Variants in LRRTM4 observed in about 807,000 individuals in gnomAD.
LRRTM4 encodes the protein leucine-rich repeat transmembrane neuronal protein 4.
In LRRTM4, 25 loss-of-function variants were observed where a neutral mutation model predicts 47.6. The observed-to-expected ratio is 0.53, with a 90% CI of 0.38 to 0.73. LRRTM4 has a LOEUF of 0.73. Ranked by LOEUF, LRRTM4 falls within the 30% of genes least tolerant of loss-of-function variation. The pLI, the probability that LRRTM4 is intolerant of heterozygous loss-of-function variation, is 0.00. For missense variants in LRRTM4, 638 were observed against 713.4 expected (o/e 0.89, Z 1.20); for synonymous variants, 311 against 269.5 (o/e 1.15, Z -1.51).
intron 3 of LRRTM4, among the ~76,000 whole-genome samples, chr2:77,459,306 T>C (rs1246413538): frequency 6.6e-6 from 1 of 152,104 alleles, no homozygotes; most frequent in African/African-American, 2.4e-5. Context: ...TTGAGCATAG[T>C]TTTAATTTTT....
At chr2:77,021,870 C>T (rs1374446352) in intron 3 of LRRTM4, among the ~76,000 whole-genome samples, 2 of 152,082 alleles carry the variant, frequency 1.3e-5, no homozygotes, top group Admixed American at 1.3e-4. Flanking sequence ...TTAATGATTG[C>T]CACACCCAAA....
At chr2:76,872,244 TAAAATC>T (rs1300147693) in intron 3 of LRRTM4, among the ~76,000 whole-genome samples, 1 of 152,130 alleles carries the variant, frequency 6.6e-6, no homozygotes, top group Non-Finnish European at 1.5e-5. Context: ...AAGGATACGT[TAAAATC>T]AGAATCATGA....
intron 3 of LRRTM4, among the ~76,000 whole-genome samples, chr2:77,031,693 C>A (rs868545489): frequency 3.3e-5 from 5 of 151,956 alleles, no homozygotes; most frequent in Admixed American, 1.3e-4. Context: ...ATGAACGTCT[C>A]CAGTCAATAA....
intron 3 of LRRTM4, among the ~76,000 whole-genome samples, chr2:76,948,334 A>T (rs1326748043): frequency 6.6e-6 from 1 of 151,860 alleles, no homozygotes; most frequent in African/African-American, 2.4e-5. Flanking sequence ...AACCAACATG[A>T]CTGAACTCAT....
intron 3 of LRRTM4, among the ~76,000 whole-genome samples, chr2:77,142,920 T>C (rs988187534): frequency 2.0e-5 from 3 of 152,156 alleles, no homozygotes; most frequent in Non-Finnish European, 2.9e-5. Flanking sequence ...GACAAAGCCA[T>C]GTATGAATCT....
chr2:77,483,701 CAAAAATGCT>C, intron 3 of LRRTM4, among the ~76,000 whole-genome samples: 1 of 152,162 alleles, frequency 6.6e-6, no homozygotes, highest in South Asian at 2.1e-4. Flanking sequence ...AGCTGAAAAA[CAAAAATGCT>C]TCCAGCATGA....
intron 3 of LRRTM4, among the ~76,000 whole-genome samples, chr2:77,287,398 T>C (rs1180916247): frequency 1.3e-5 from 2 of 151,674 alleles, no homozygotes; most frequent in Non-Finnish European, 2.9e-5. Flanking sequence ...ATTTAAAATA[T>C]ATATTATATA....
intron 3 of LRRTM4, among the ~76,000 whole-genome samples, chr2:77,462,066 A>C (rs1676810442): frequency 1.3e-5 from 2 of 152,102 alleles, no homozygotes; most frequent in Non-Finnish European, 2.9e-5. Context: ...CATTTAACCT[A>C]GCAGCAGAAT....
intron 3 of LRRTM4, among the ~76,000 whole-genome samples, chr2:77,428,758 A>G (rs575311101): frequency 6.6e-6 from 1 of 152,200 alleles, no homozygotes; most frequent in Non-Finnish European, 1.5e-5. Context: ...TAACTATTGC[A>G]TGTTCTTAAG....
chr2:76,899,342 CACACACACACATAT>C (rs1180191371), intron 3 of LRRTM4, among the ~76,000 whole-genome samples: 13 of 131,206 alleles, frequency 9.9e-5, no homozygotes, highest in African/African-American at 3.5e-4. Flanking sequence ...CACACACACA[CACACACACACATAT>C]ATATATATAA....
intron 3 of LRRTM4, among the ~76,000 whole-genome samples, chr2:77,459,768 A>G (rs1676710684): frequency 6.6e-6 from 1 of 150,650 alleles, no homozygotes; most frequent in African/African-American, 2.4e-5. Flanking sequence ...GCAAAAAAAA[A>G]AAAAAAAAGA....
intron 3 of LRRTM4, among the ~76,000 whole-genome samples, chr2:76,834,398 T>C (rs1418482165): frequency 6.6e-6 from 1 of 151,960 alleles, no homozygotes; most frequent in East Asian, 1.9e-4. Context: ...AAAATATCTG[T>C]TACTCTAAAG....
intron 3 of LRRTM4, among the ~76,000 whole-genome samples, chr2:76,854,551 A>G (rs1672091029): frequency 6.6e-6 from 1 of 152,088 alleles, no homozygotes; most frequent in Non-Finnish European, 1.5e-5. Context: ...AAACAAACAA[A>G]AATCCTGATT....
At chr2:77,067,886 A>G (rs1680013813) in intron 3 of LRRTM4, among the ~76,000 whole-genome samples, 1 of 152,094 alleles carries the variant, frequency 6.6e-6, no homozygotes, top group South Asian at 2.1e-4. Context: ...TATAAAACTA[A>G]TCTTGATGAC....
At chr2:77,209,113 G>C (rs539231990) in intron 3 of LRRTM4, among the ~76,000 whole-genome samples, 1 of 152,038 alleles carries the variant, frequency 6.6e-6, no homozygotes. Flanking sequence ...CAATTTCCGA[G>C]AGGACTTAAG....
chr2:77,135,969 C>T (rs547122767), intron 3 of LRRTM4, among the ~76,000 whole-genome samples: 80 of 151,932 alleles, frequency 5.3e-4, no homozygotes, highest in African/African-American at 1.8e-3. Flanking sequence ...ACATTAATAC[C>T]TAAATACCCA....
At chr2:77,086,715 G>C (rs567684619) in intron 3 of LRRTM4, among the ~76,000 whole-genome samples, 1 of 151,884 alleles carries the variant, frequency 6.6e-6, no homozygotes. Context: ...GGCTGGTGGC[G>C]AAATCCTGAC....
chr2:76,982,383 T>G (rs1676640849), intron 3 of LRRTM4, among the ~76,000 whole-genome samples: 1 of 152,114 alleles, frequency 6.6e-6, no homozygotes, highest in African/African-American at 2.4e-5. Flanking sequence ...AAAATTTTAC[T>G]TTTGGGCAAT....
intron 3 of LRRTM4, among the ~76,000 whole-genome samples, chr2:77,218,728 A>C (rs893505009): frequency 2.0e-5 from 3 of 152,184 alleles, no homozygotes; most frequent in Non-Finnish European, 4.4e-5. Context: ...CTAATGCTGC[A>C]TATCCAGCTT....
Sources: allele counts gnomAD v4.1 joint callset (sites outside exome capture counted in the v4.1 genomes callset), GRCh38; gene constraint gnomAD v4.1.1; transcripts MANE v1.5; gene names NCBI Gene and HGNC (gene_info 2026-07-23, HGNC 2026-07-21).